Variants in THSD7B observed in about 807,000 individuals in gnomAD.
The protein encoded by THSD7B is thrombospondin type-1 domain-containing protein 7B.
In THSD7B, 138 loss-of-function variants were observed where a neutral mutation model predicts 213.6. The ratio of observed to expected loss-of-function variants is 0.65; its 90% CI spans 0.56 to 0.74. The LOEUF (loss-of-function observed/expected upper bound fraction) is 0.74. Among genes scored for constraint, THSD7B ranks in the 30% least tolerant of loss-of-function variants. THSD7B has a pLI of 0.00. For synonymous variants in THSD7B, 742 were observed against 687.0 expected (o/e 1.08, Z -1.25); for missense variants, 1,931 against 1,991.5 (o/e 0.97, Z 0.58).
chr2:137,655,809 T>A (rs62168468), intron 22 of THSD7B, 149 bp downstream of exon 22: 94,407 of 1,038,838 alleles, frequency 0.091, 4,931 homozygotes, highest in Middle Eastern at 0.13. Context: ...CTTTGGTATA[T>A]ACCTACGGCT....
intron 6 of THSD7B, among the ~76,000 whole-genome samples, chr2:137,161,906 C>T (rs1168680663): frequency 6.6e-6 from 1 of 152,150 alleles, no homozygotes; most frequent in Admixed American, 6.6e-5. Flanking sequence ...AGGTCACTGT[C>T]CAGAAAATCA....
intron 5 of THSD7B, among the ~76,000 whole-genome samples, chr2:137,142,666 T>G (rs1443824415): frequency 6.6e-6 from 1 of 152,164 alleles, no homozygotes; most frequent in East Asian, 1.9e-4. Flanking sequence ...TATGTCTTTT[T>G]TATGTTATCA....
At chr2:137,080,337 G>A (rs138977709) in intron 3 of THSD7B, among the ~76,000 whole-genome samples, 1,630 of 146,400 alleles carry the variant, frequency 0.011, 18 homozygotes, top group Non-Finnish European at 0.018. Flanking sequence ...AAGCAGCTGC[G>A]ATTATAGGCA....
intron 3 of THSD7B, among the ~76,000 whole-genome samples, chr2:137,062,709 T>C (rs1687300462): frequency 6.6e-6 from 1 of 151,804 alleles, no homozygotes; most frequent in South Asian, 2.1e-4. Flanking sequence ...TGTTAAGGTG[T>C]GTTTCATGGC....
At chr2:136,789,717 G>A (rs960386638) in intron 1 of THSD7B, among the ~76,000 whole-genome samples, 6 of 152,122 alleles carry the variant, frequency 3.9e-5, no homozygotes, top group African/African-American at 1.2e-4. Context: ...CTCTAGAGGA[G>A]AGAGTAATGA....
intron 12 of THSD7B, among the ~76,000 whole-genome samples, chr2:137,343,159 G>GTTGTTT (rs558584111): frequency 2.0e-5 from 3 of 147,130 alleles, no homozygotes; most frequent in African/African-American, 5.0e-5. Context: ...GTGTTTTTTT[G>GTTGTTT]TTGTTTTTGT....
chr2:137,113,386 C>T (rs1052575489), intron 4 of THSD7B, among the ~76,000 whole-genome samples: 1 of 151,998 alleles, frequency 6.6e-6, no homozygotes, highest in African/African-American at 2.4e-5. Flanking sequence ...TTTCTCATAC[C>T]CAGGAATTAG....
intron 3 of THSD7B, among the ~76,000 whole-genome samples, chr2:137,062,494 T>A (rs1450938365): frequency 6.6e-6 from 1 of 151,818 alleles, no homozygotes; most frequent in Non-Finnish European, 1.5e-5. Flanking sequence ...TTCTCTTTGT[T>A]CCACAAATTC....
intron 2 of THSD7B, among the ~76,000 whole-genome samples, chr2:136,891,679 G>C (rs1683862872): frequency 6.6e-6 from 1 of 152,174 alleles, no homozygotes; most frequent in African/African-American, 2.4e-5. Flanking sequence ...GCCCATCCAA[G>C]CTGGGTCACA....
intron 14 of THSD7B, among the ~76,000 whole-genome samples, chr2:137,437,574 T>G (rs1336091606): frequency 6.6e-6 from 1 of 152,098 alleles, no homozygotes; most frequent in South Asian, 2.1e-4. Flanking sequence ...AGAAGAGACA[T>G]GAAAGCAACA....
At chr2:137,300,718 G>A (rs1049252498) in intron 12 of THSD7B, among the ~76,000 whole-genome samples, 5 of 152,126 alleles carry the variant, frequency 3.3e-5, no homozygotes, top group South Asian at 2.1e-4. Context: ...AGGAAAAAGT[G>A]AAATCAGCCA....
chr2:137,664,128 C>T (rs1440465194), intron 26 of THSD7B, among the ~76,000 whole-genome samples: 1 of 152,198 alleles, frequency 6.6e-6, no homozygotes, highest in Non-Finnish European at 1.5e-5. Flanking sequence ...GCTGGGATTA[C>T]AGGCATGAGC....
intron 12 of THSD7B, among the ~76,000 whole-genome samples, chr2:137,348,194 A>T (rs1336530405): frequency 6.6e-6 from 1 of 151,724 alleles, no homozygotes; most frequent in Non-Finnish European, 1.5e-5. Context: ...TAGACACTCA[A>T]CAGAAGATAT....
intron 1 of THSD7B, among the ~76,000 whole-genome samples, chr2:136,813,642 A>ATT (rs34321753): frequency 6.6e-6 from 1 of 150,744 alleles, no homozygotes; most frequent in Non-Finnish European, 1.5e-5. Context: ...CTATTCTATC[A>ATT]TTTTTTTTTT....
chr2:137,242,630 C>G, intron 10 of THSD7B, 58 bp downstream of exon 10: 2 of 1,304,968 alleles, frequency 1.5e-6, no homozygotes, highest in Admixed American at 1.8e-5. Context: ...TTCTCCACAT[C>G]TAAGTAAGTG....
At chr2:137,569,033 G>GA (rs1164169467) in intron 16 of THSD7B, among the ~76,000 whole-genome samples, 1 of 152,172 alleles carries the variant, frequency 6.6e-6, no homozygotes, top group Non-Finnish European at 1.5e-5. Context: ...TGTCCAGTGG[G>GA]AAAAATGTAT....
In THSD7B at chr2:136,858,257, C is replaced by G. The variant is rs1322797332; in HGVS notation, c.-35-23887C>G. The stretch of plus-strand genomic sequence containing the variant: ...AGCATATTTTCACTGTTTCTGGAAT[C>G]CTTCCTTTTGGGGATTGAAAATGTC... On this transcript the variant is annotated intron_variant, in intron 1 of 27. Coordinates refer to ENST00000409968, the MANE Select transcript of THSD7B (RefSeq NM_001316349.2). Among the ~76,000 whole-genome samples the G allele has an allele frequency of 4.6e-5, 7 of 152,272 alleles. No individual in the cohort carries two copies. The East Asian group carries it at 1.3e-3, about 29-fold the overall frequency.
chr2:137,189,971 G>T (rs1680625259), intron 7 of THSD7B, among the ~76,000 whole-genome samples: 1 of 152,026 alleles, frequency 6.6e-6, no homozygotes, highest in Admixed American at 6.6e-5. Context: ...ATCATAGAAG[G>T]TATTTTAAGT....
In THSD7B at chr2:136,792,443, C is replaced by T. The variant is rs114608692; in HGVS notation, c.-36+26756C>T. On this transcript the variant is annotated intron_variant, in intron 1 of 27. Transcript: ENST00000409968. ...GTGTATGAAACAATAATGGTGGATA[C>T]CTGCCATCGTACATTTGTCAAAACT... Among the ~76,000 whole-genome samples, 501 of 152,006 alleles carry T rather than the reference C, an allele frequency of 3.3e-3. 7 individuals carry two copies. Among genetic ancestry groups the T allele is most frequent in the Middle Eastern group, 0.01 (3 of 294 alleles).
Sources: gnomAD v4.1 joint callset for allele counts (sites outside exome capture counted in the v4.1 genomes callset) on GRCh38, gnomAD v4.1.1 for gene constraint, MANE v1.5 for transcripts, NCBI Gene and HGNC (gene_info 2026-07-23, HGNC 2026-07-21) for gene names.